MYO3B: variants seen among roughly 807,000 people sequenced by gnomAD.
The protein encoded by MYO3B is myosin-IIIb.
In MYO3B, 156 loss-of-function variants were observed where a neutral mutation model predicts 174.6. The observed-to-expected ratio is 0.89, with a 90% CI of 0.78 to 1.02. The LOEUF (loss-of-function observed/expected upper bound fraction) is 1.02, where lower values mean the gene tolerates loss of function less well. Among genes scored for constraint, MYO3B ranks in the 50% least tolerant of loss-of-function variants. The pLI, the probability that MYO3B is intolerant of heterozygous loss-of-function variation, is 0.00. For synonymous variants in MYO3B, 563 were observed against 569.1 expected (o/e 0.99, Z 0.15); for missense variants, 1,632 against 1,639.4 (o/e 1.00, Z 0.08).
chr2:170,399,104 T>A (rs551052156), intron 16 of MYO3B, among the ~76,000 whole-genome samples: 2 of 151,958 alleles, frequency 1.3e-5, no homozygotes, highest in African/African-American at 4.8e-5. Flanking sequence ...TGGCCGGGCG[T>A]GGTAGTGCAT....
intron 7 of MYO3B, among the ~76,000 whole-genome samples, chr2:170,283,975 T>G (rs1549347): frequency 0.84 from 127,263 of 152,186 alleles, 53,609 homozygotes; most frequent in East Asian, 0.96. Flanking sequence ...AGAATCCCTT[T>G]GTCCCATAGC....
chr2:170,546,421 T>G (rs1316317135), intron 32 of MYO3B, among the ~76,000 whole-genome samples: 1 of 152,218 alleles, frequency 6.6e-6, no homozygotes, highest in Non-Finnish European at 1.5e-5. Context: ...AGAGAAAAGT[T>G]TTAAAATGTA....
At chr2:170,573,763 A>G (rs560920967) in intron 32 of MYO3B, among the ~76,000 whole-genome samples, 1 of 152,304 alleles carries the variant, frequency 6.6e-6, no homozygotes, top group Non-Finnish European at 1.5e-5. Flanking sequence ...TTGTTAAAAG[A>G]CTAGATGTGA....
rs745875067 is a variant in MYO3B, at chr2:170,387,344, G to A, written c.1577+36G>A. On this transcript the variant is annotated intron_variant, in intron 14 of 34. Transcript: ENST00000408978. ...TACTTTATCACTGTGTTTTTGCCCT[G>A]CAGTAAAAACTGGGAGACTTTGGAA... is the stretch of plus-strand genomic sequence containing the variant. 3 of 1,592,948 alleles carry A rather than the reference G, an allele frequency of 1.9e-6. No homozygotes were observed. The East Asian group carries it at 6.7e-5, about 36-fold the overall frequency.
intron 32 of MYO3B, among the ~76,000 whole-genome samples, chr2:170,548,929 TG>T (rs1690707855): frequency 6.6e-6 from 1 of 152,244 alleles, no homozygotes; most frequent in African/African-American, 2.4e-5. Context: ...GCTGACTTTT[TG>T]TGACATACTT....
At chr2:170,383,316 T>G in intron 11 of MYO3B, 127 bp downstream of exon 11, 3 of 643,546 alleles carry the variant, frequency 4.7e-6, no homozygotes, top group African/African-American at 1.8e-5. Flanking sequence ...AAACTGCAGA[T>G]AGTAATGTAA....
At chr2:170,632,577 A>C (rs529478619) in intron 32 of MYO3B, among the ~76,000 whole-genome samples, 47 of 152,320 alleles carry the variant, frequency 3.1e-4, no homozygotes, top group Middle Eastern at 6.8e-3. Context: ...AAAGAACTAG[A>C]GAGGCAAGAG....
chr2:170,504,826 T>C (rs1207721892), intron 28 of MYO3B, among the ~76,000 whole-genome samples: 1 of 152,162 alleles, frequency 6.6e-6, no homozygotes, highest in African/African-American at 2.4e-5. Flanking sequence ...CGTTTTTAAT[T>C]GTGGGCCCTT....
intron 7 of MYO3B, among the ~76,000 whole-genome samples, chr2:170,276,077 TA>T (rs2093461986): frequency 2.6e-5 from 4 of 152,190 alleles, no homozygotes; most frequent in Non-Finnish European, 5.9e-5. Flanking sequence ...ATTCGTAGAT[TA>T]CTTATAAATT....
At chr2:170,642,812 T>C (rs950195392) in intron 32 of MYO3B, among the ~76,000 whole-genome samples, 4 of 152,130 alleles carry the variant, frequency 2.6e-5, no homozygotes, top group African/African-American at 4.8e-5. Flanking sequence ...CTGTCTCCAA[T>C]AACCTGAGGA....
At chr2:170,546,245 T>C (rs1216629724) in intron 32 of MYO3B, among the ~76,000 whole-genome samples, 1 of 152,220 alleles carries the variant, frequency 6.6e-6, no homozygotes, top group African/African-American at 2.4e-5. Context: ...ATAGTTACTT[T>C]AATGCATCTA....
At chr2:170,444,130 T>C in intron 23 of MYO3B, 84 bp downstream of exon 23, 1 of 1,244,806 alleles carries the variant, frequency 8.0e-7, no homozygotes, top group Non-Finnish European at 1.2e-6. Context: ...GCAGCATTAG[T>C]TCCCTTCTAG....
chr2:170,445,314 A>G (rs2094832413), intron 23 of MYO3B, among the ~76,000 whole-genome samples: 1 of 152,052 alleles, frequency 6.6e-6, no homozygotes, highest in Non-Finnish European at 1.5e-5. Context: ...TAGAAACACT[A>G]GACAGCACCA....
At chr2:170,208,471 T>TA (rs1487178509) in intron 3 of MYO3B, among the ~76,000 whole-genome samples, 1 of 152,206 alleles carries the variant, frequency 6.6e-6, no homozygotes, top group East Asian at 1.9e-4. Context: ...ACCCTATTTA[T>TA]ATCCTATTTA....
intron 16 of MYO3B, among the ~76,000 whole-genome samples, chr2:170,399,238 G>A (rs1444647882): frequency 1.0e-4 from 4 of 39,032 alleles, no homozygotes; most frequent in South Asian, 1.2e-3. Flanking sequence ...GCGAAATTCC[G>A]TCTCAAAAAA....
At chr2:170,379,448 C>T (rs977461494) in intron 9 of MYO3B, among the ~76,000 whole-genome samples, 49 of 152,122 alleles carry the variant, frequency 3.2e-4, no homozygotes, top group African/African-American at 1.1e-3. Flanking sequence ...CCGCCTTGGC[C>T]GCCCAAAGTG....
rs13386246 is a variant in MYO3B at position 170,441,777 on chromosome 2, A to G, written c.2651-2190A>G. On this transcript the variant is annotated intron_variant, in intron 22 of 34. Transcript: ENST00000408978. ...AGCATGCTAATGCATTATAATTAGC[A>G]TATAATGAACAATGAGGATGACCAG... is the stretch of plus-strand genomic sequence containing the variant. Among the ~76,000 whole-genome samples, 5 of 152,192 alleles carry G rather than the reference A, an allele frequency of 3.3e-5. No individual in the cohort carries two copies. In the South Asian group the frequency reaches 1.0e-3, roughly 32 times the overall value.
intron 32 of MYO3B, among the ~76,000 whole-genome samples, chr2:170,650,133 A>G (rs1456057746): frequency 1.4e-5 from 2 of 143,148 alleles, no homozygotes. Flanking sequence ...CCCAGGTTCA[A>G]GTGATTCTCC....
chr2:170,323,887 AC>A (rs2093846573), intron 7 of MYO3B, among the ~76,000 whole-genome samples: 1 of 152,098 alleles, frequency 6.6e-6, no homozygotes, highest in Admixed American at 6.6e-5. Context: ...TCCTGACTGG[AC>A]CTAAAAGAGC....
Sources: gnomAD v4.1 joint callset for allele counts (sites outside exome capture counted in the v4.1 genomes callset) on GRCh38, gnomAD v4.1.1 for gene constraint, MANE v1.5 for transcripts, NCBI Gene and HGNC (gene_info 2026-07-23, HGNC 2026-07-21) for gene names.